Variants in SPMAP2L observed in about 807,000 individuals in gnomAD.
The protein encoded by SPMAP2L is sperm microtubule associated protein 2-like.
the SPMAP2L span, among the ~76,000 whole-genome samples, chr4:56,622,905 G>T: frequency 6.6e-6 from 1 of 152,256 alleles, no homozygotes; most frequent in Non-Finnish European, 1.5e-5. Flanking sequence ...AAACAGTCTC[G>T]CACCTTTCTG....
the SPMAP2L span, among the ~76,000 whole-genome samples, chr4:56,625,889 G>A: frequency 6.6e-6 from 1 of 152,222 alleles, no homozygotes; most frequent in Non-Finnish European, 1.5e-5. Context: ...TCTCAACAGA[G>A]TGAAGTCAGA....
chr4:56,610,074 C>G, the SPMAP2L span, among the ~76,000 whole-genome samples: 78 of 152,232 alleles, frequency 5.1e-4, no homozygotes, highest in African/African-American at 1.8e-3. Flanking sequence ...ATACCACCAT[C>G]ATTCTTCACA....
chr4:56,574,075 C>T, the SPMAP2L span, among the ~76,000 whole-genome samples: 2 of 152,190 alleles, frequency 1.3e-5, no homozygotes, highest in East Asian at 1.9e-4. Flanking sequence ...ACTTCCTTTT[C>T]CACTGATGAT....
the SPMAP2L span, chr4:56,552,488 C>A: frequency 1.2e-6 from 1 of 805,912 alleles, no homozygotes; most frequent in South Asian, 1.5e-5. Context: ...GAGCAGGAGT[C>A]ATCTAATGTA....
chr4:56,595,063 G>GC, the SPMAP2L span: 1 of 1,610,238 alleles, frequency 6.2e-7, no homozygotes, highest in East Asian at 2.2e-5. Flanking sequence ...CGTCAGTGCG[G>GC]CCCCATGGGG....
the SPMAP2L span, among the ~76,000 whole-genome samples, chr4:56,606,390 A>G: frequency 6.6e-6 from 1 of 152,294 alleles, no homozygotes; most frequent in East Asian, 1.9e-4. Context: ...AGGTATGGAT[A>G]TGTAACCCAA....
the SPMAP2L span, among the ~76,000 whole-genome samples, chr4:56,534,843 C>T: frequency 6.6e-6 from 1 of 152,156 alleles, no homozygotes; most frequent in African/African-American, 2.4e-5. Context: ...GCAGGAGAAT[C>T]GCTTGAACCT....
At chr4:56,608,681 C>A in the SPMAP2L span, among the ~76,000 whole-genome samples, 1 of 152,168 alleles carries the variant, frequency 6.6e-6, no homozygotes, top group Non-Finnish European at 1.5e-5. Context: ...GGCAGAGAGT[C>A]CCCACTAAGA....
At chr4:56,603,128 C>A in the SPMAP2L span, 2 of 930,258 alleles carry the variant, frequency 2.1e-6, no homozygotes, top group Non-Finnish European at 3.2e-6. Context: ...TAGTACATAA[C>A]ATACAGTGGA....
At chr4:56,561,086 T>C in the SPMAP2L span, among the ~76,000 whole-genome samples, 145,207 of 152,292 alleles carry the variant, frequency 0.95, 69,314 homozygotes, top group Middle Eastern at 0.97. Flanking sequence ...GATATTTGCT[T>C]CAGAATGATA....
the SPMAP2L span, among the ~76,000 whole-genome samples, chr4:56,566,079 C>T: frequency 1.3e-5 from 2 of 152,170 alleles, no homozygotes; most frequent in African/African-American, 4.8e-5. Flanking sequence ...AGATCATTTA[C>T]ATTTACTGTG....
At chr4:56,591,313 C>T in the SPMAP2L span, among the ~76,000 whole-genome samples, 1 of 152,166 alleles carries the variant, frequency 6.6e-6, no homozygotes. Context: ...CCTGAGGCCT[C>T]CCCAGCCATG....
At chr4:56,590,778 A>G in the SPMAP2L span, among the ~76,000 whole-genome samples, 4 of 152,248 alleles carry the variant, frequency 2.6e-5, no homozygotes, top group South Asian at 2.1e-4. Flanking sequence ...TTTAGATCAT[A>G]AGCCTTAATT....
the SPMAP2L span, among the ~76,000 whole-genome samples, chr4:56,607,185 TGGGTCTG>T: frequency 6.6e-6 from 1 of 152,166 alleles, no homozygotes; most frequent in Admixed American, 6.5e-5. Flanking sequence ...AGGAGGTGAT[TGGGTCTG>T]AAGGACTCTG....
the SPMAP2L span, among the ~76,000 whole-genome samples, chr4:56,607,995 G>GAAAAA: frequency 6.4e-4 from 46 of 71,936 alleles, no homozygotes; most frequent in East Asian, 8.0e-4. Flanking sequence ...CCTGTCTCAA[G>GAAAAA]AAAAAAAAAA....
the SPMAP2L span, among the ~76,000 whole-genome samples, chr4:56,538,536 T>C: frequency 6.6e-6 from 1 of 152,174 alleles, no homozygotes; most frequent in African/African-American, 2.4e-5. Flanking sequence ...AGGCCGGGCA[T>C]GGTGGCTCAA....
the SPMAP2L span, chr4:56,603,222 A>C: frequency 6.5e-7 from 1 of 1,531,252 alleles, no homozygotes; most frequent in Non-Finnish European, 8.7e-7. Context: ...TCCTGTGCGT[A>C]TTGTGTATTA....
At chr4:56,599,338 C>T in the SPMAP2L span, among the ~76,000 whole-genome samples, 2 of 152,074 alleles carry the variant, frequency 1.3e-5, no homozygotes, top group East Asian at 3.9e-4. Context: ...CATGCACCAC[C>T]ATGCCCAGCT....
At chr4:56,600,202 C>T in the SPMAP2L span, among the ~76,000 whole-genome samples, 482 of 147,384 alleles carry the variant, frequency 3.3e-3, 2 homozygotes, top group African/African-American at 0.012. Flanking sequence ...ACCTCAGCCT[C>T]CCAAAGTGCT....
Sources: gnomAD v4.1 joint callset for allele counts (sites outside exome capture counted in the v4.1 genomes callset) on GRCh38, gnomAD v4.1.1 for gene constraint, MANE v1.5 for transcripts, NCBI Gene and HGNC (gene_info 2026-07-23, HGNC 2026-07-21) for gene names.